The following DENND1A variants were observed in gnomAD, a reference collection of about 807,000 sequenced individuals.
The protein encoded by DENND1A is DENN domain-containing protein 1A.
DENND1A carries 51 observed loss-of-function variants against 113.7 expected under a neutral mutation model. The ratio of observed to expected loss-of-function variants is 0.45; its 90% CI spans 0.36 to 0.57. The LOEUF (loss-of-function observed/expected upper bound fraction) is 0.57, where lower values mean the gene tolerates loss of function less well. Among genes scored for constraint, DENND1A ranks in the 20% least tolerant of loss-of-function variants. DENND1A has a pLI of 0.00. For missense variants in DENND1A, 1,258 were observed against 1,395.9 expected (o/e 0.90, Z 1.57); for synonymous variants, 565 against 570.8 (o/e 0.99, Z 0.14).
At position 123,382,105 on chromosome 9, in the gene DENND1A, A is replaced by T; in HGVS notation, c.2540T>A (p.Leu847Gln). The T allele has an allele frequency of 6.4e-7, 1 of 1,562,730 alleles. No homozygotes were observed. The highest frequency in any genetic ancestry group is 1.9e-5 in the Admixed American group (1 of 53,818). ...GTSSDALLAL[L>Q]DPLSTAWSGS... Reference sequence around the variant, plus strand: ...TGACCAGGCTGTGCTGAGCGGGTCCAGGAGGGCGAGCAGGGCGTCACTGCT... The same window carrying T: ...TGACCAGGCTGTGCTGAGCGGGTCCTGGAGGGCGAGCAGGGCGTCACTGCT... Residue 847 changes from leucine to glutamine, a missense_variant, in exon 24 of 24, where the codon CTG (leucine) becomes CAG (glutamine). Physicochemically the swap from Leu to Gln is moderately radical, Grantham distance 113 (BLOSUM62 -2). Transcript: ENST00000394215.
chr9:123,855,368 G>A (rs1166258084), intron 2 of DENND1A, among the ~76,000 whole-genome samples: 1 of 146,496 alleles, frequency 6.8e-6, no homozygotes, highest in African/African-American at 2.8e-5. Flanking sequence ...GAGGATTAGA[G>A]AAGGCCTCCT....
intron 2 of DENND1A, among the ~76,000 whole-genome samples, chr9:123,863,802 C>T (rs1210684249): frequency 6.6e-6 from 1 of 152,140 alleles, no homozygotes; most frequent in East Asian, 1.9e-4. Context: ...TTCTCTCTCT[C>T]CCCAAAGCTT....
At chr9:123,689,937 C>A (rs2065055919) in intron 5 of DENND1A, among the ~76,000 whole-genome samples, 1 of 151,096 alleles carries the variant, frequency 6.6e-6, no homozygotes, top group African/African-American at 2.4e-5. Context: ...TCCAGTGAGC[C>A]AAGATCGCGC....
intron 5 of DENND1A, among the ~76,000 whole-genome samples, chr9:123,683,123 T>C (rs1029860502): frequency 6.6e-6 from 1 of 152,204 alleles, no homozygotes; most frequent in African/African-American, 2.4e-5. Context: ...AAATTTGCCA[T>C]GAACTAAAAC....
chr9:123,480,259 G>A (rs1000684001), intron 13 of DENND1A, among the ~76,000 whole-genome samples: 6 of 152,040 alleles, frequency 3.9e-5, no homozygotes, highest in Non-Finnish European at 8.8e-5. Flanking sequence ...ACACTCCCGA[G>A]AGACCTCCTC....
At chr9:123,904,965 G>A (rs914957180) in intron 1 of DENND1A, among the ~76,000 whole-genome samples, 19 of 152,192 alleles carry the variant, frequency 1.2e-4, no homozygotes, top group East Asian at 7.7e-4. Flanking sequence ...GAGAAAGGTC[G>A]GGTTACCCTC....
At chr9:123,576,120 C>T (rs1283850540) in intron 12 of DENND1A, among the ~76,000 whole-genome samples, 5 of 152,134 alleles carry the variant, frequency 3.3e-5, no homozygotes, top group Non-Finnish European at 7.4e-5. Flanking sequence ...CTTAGTGGCC[C>T]TTGTAAGGTT....
chr9:123,569,395 A>G (rs2058233871), intron 12 of DENND1A: 1 of 152,230 alleles, frequency 6.6e-6, no homozygotes, highest in South Asian at 2.1e-4. Flanking sequence ...TCAGTAATGA[A>G]AGGAAGGAAG....
intron 1 of DENND1A, among the ~76,000 whole-genome samples, chr9:123,901,377 C>T (rs573519352): frequency 1.3e-5 from 2 of 152,270 alleles, no homozygotes; most frequent in South Asian, 4.1e-4. Context: ...TTCCCTCTCT[C>T]CTGCCCTCTA....
At chr9:123,737,379 G>A (rs1013943334) in intron 5 of DENND1A, among the ~76,000 whole-genome samples, 5 of 151,870 alleles carry the variant, frequency 3.3e-5, no homozygotes, top group Non-Finnish European at 7.4e-5. Flanking sequence ...GTAAACATGG[G>A]GTCTCATTAT....
At chr9:123,770,061 C>T (rs1829484555) in intron 3 of DENND1A, among the ~76,000 whole-genome samples, 1 of 152,148 alleles carries the variant, frequency 6.6e-6, no homozygotes, top group African/African-American at 2.4e-5. Context: ...AGATAATTGT[C>T]CCTGAACACT....
chr9:123,772,635 T>C (rs1590024785), intron 3 of DENND1A, among the ~76,000 whole-genome samples: 1 of 152,220 alleles, frequency 6.6e-6, no homozygotes, highest in African/African-American at 2.4e-5. Context: ...GAGGACTGTG[T>C]GCCAGCTCTC....
chr9:123,805,011 G>A (rs747803818), intron 2 of DENND1A, among the ~76,000 whole-genome samples: 6 of 152,070 alleles, frequency 3.9e-5, no homozygotes, highest in Non-Finnish European at 5.9e-5. Flanking sequence ...CCGCCTTGCT[G>A]GTCTGCTTGC....
chr9:123,890,856 A>G (rs1351224509), intron 1 of DENND1A, among the ~76,000 whole-genome samples: 1 of 152,240 alleles, frequency 6.6e-6, no homozygotes, highest in Non-Finnish European at 1.5e-5. Context: ...CCTCACAATT[A>G]CATGTATGCT....
At chr9:123,912,435 C>T (rs1297989831) in intron 1 of DENND1A, among the ~76,000 whole-genome samples, 1 of 152,140 alleles carries the variant, frequency 6.6e-6, no homozygotes, top group African/African-American at 2.4e-5. Context: ...AATGCTCAAA[C>T]AAAAGCCAGC....
intron 5 of DENND1A, among the ~76,000 whole-genome samples, chr9:123,708,583 T>A (rs577357862): frequency 1.3e-5 from 2 of 152,214 alleles, no homozygotes; most frequent in African/African-American, 4.8e-5. Context: ...AAATTTTAAG[T>A]AACAACATAT....
chr9:123,414,909 T>C (rs902010577), intron 19 of DENND1A, among the ~76,000 whole-genome samples: 1 of 152,216 alleles, frequency 6.6e-6, no homozygotes. Context: ...ACTTGATACC[T>C]AATAGGTGCT....
intron 5 of DENND1A, among the ~76,000 whole-genome samples, chr9:123,741,766 A>G (rs1317365364): frequency 6.6e-6 from 1 of 152,192 alleles, no homozygotes; most frequent in Non-Finnish European, 1.5e-5. Flanking sequence ...ACAAATGATA[A>G]TTCCCCAATC....
At chr9:123,426,581 G>C (rs1166861673) in intron 19 of DENND1A, among the ~76,000 whole-genome samples, 1 of 152,114 alleles carries the variant, frequency 6.6e-6, no homozygotes, top group African/African-American at 2.4e-5. Context: ...TAAGGGAAGG[G>C]AGGACCAAAC....
Sources: gnomAD v4.1 joint callset for allele counts (sites outside exome capture counted in the v4.1 genomes callset) on GRCh38, gnomAD v4.1.1 for gene constraint, MANE v1.5 for transcripts, NCBI Gene and HGNC (gene_info 2026-07-23, HGNC 2026-07-21) for gene names.